The following PNPLA5 variants were observed in gnomAD, a reference collection of about 807,000 sequenced individuals.
The protein encoded by PNPLA5 is patatin like domain 5, triacylglycerol lipase, also known as patatin-like phospholipase domain-containing protein 5.
Under a neutral mutation model 49.1 loss-of-function variants are expected in PNPLA5, and 44 were observed. The observed-to-expected ratio is 0.90, with a 90% CI of 0.70 to 1.15. The LOEUF (loss-of-function observed/expected upper bound fraction) is 1.15, where lower values mean the gene tolerates loss of function less well. PNPLA5 is among the 50% of genes most tolerant of loss of function. The probability of loss-of-function intolerance (pLI) is 0.00; values close to 1 mark genes in which losing one functional copy is unlikely to be tolerated. For synonymous variants in PNPLA5, 243 were observed against 244.4 expected (o/e 0.99, Z 0.06); for missense variants, 603 against 564.0 (o/e 1.07, Z -0.70).
intron 2 of PNPLA5, 120 bp from the exon 3 acceptor site, chr22:43,889,984 G>A: frequency 6.8e-7 from 1 of 1,476,294 alleles, no homozygotes; most frequent in Admixed American, 2.2e-5. Flanking sequence ...CCCACGTCCA[G>A]ATGAGGGAGC....
In PNPLA5 at chr22:43,881,601, C is replaced by T. The variant is rs552251251; in HGVS notation, c.1156G>A (p.Glu386Lys). 7.5e-5 allele frequency: 121 copies of T among 1,611,644 alleles called. 2 individuals carry two copies. In the East Asian group the frequency reaches 1.9e-3, roughly 26 times the overall value. Residue 386 changes from glutamate to lysine, a missense_variant, in exon 8 of 9, where the codon GAG becomes AAG. Physicochemically the swap from Glu to Lys is moderately conservative, Grantham distance 56. Coordinates refer to ENST00000216177, the MANE Select transcript of PNPLA5 (RefSeq NM_138814.4). ...TGGGCCTTGGTCCTGGAGAAAACCT[C>T]GAGGGCCATGTTCCTCAGCAGGCCC... ...MQGLLRNMAL[E>K]VFSRTKAQLL...
At chr22:43,888,410 G>A (rs867396582) in intron 4 of PNPLA5, among the ~76,000 whole-genome samples, 3 of 118,982 alleles carry the variant, frequency 2.5e-5, no homozygotes, top group Non-Finnish European at 5.3e-5. Flanking sequence ...GTGTGTGTGT[G>A]TTTCTTTCTT....
rs759341016 is a variant in PNPLA5 at position 43,891,692 on chromosome 22, C to T, written c.189G>A (p.Ser63=). The T allele has an allele frequency of 1.9e-5, 29 of 1,546,446 alleles. 2 individuals are homozygous for T. In the South Asian group the frequency reaches 3.5e-4, roughly 18 times the overall value. ...LNAVSIVCGK[S]VDFCCSHLLG... ...CCCCCGCGGTCCGGGACTCACCGAC[C>T]GACTTGCCGCAGACGATGCTGACTG... The change falls in exon 1 of 9, where the codon TCG becomes TCA. Residue 63 remains serine, a synonymous_variant. Transcript: ENST00000216177.
In PNPLA5 at chr22:43,892,007, T is replaced by C; in HGVS notation, c.-127A>G. Reference sequence around the variant, plus strand: ...GCTCTGGAGGGAGCCGGGCTGGGGCTGGTGCTGGTGCTCCCTGCGCCGCCC... The same window carrying C: ...GCTCTGGAGGGAGCCGGGCTGGGGCCGGTGCTGGTGCTCCCTGCGCCGCCC... On this transcript the variant is annotated 5_prime_UTR_variant, in exon 1 of 9. Transcript: ENST00000216177. 2 of 948,484 alleles carry C rather than the reference T, an allele frequency of 2.1e-6. No homozygotes were observed. The highest frequency in any genetic ancestry group is 3.0e-6 in the Non-Finnish European group (2 of 667,424). The allele number at this position is 948,484 out of a possible 1,614,324, so 58.8% of individuals were successfully genotyped here.
At chr22:43,885,179 C>T (rs2049650075) in intron 6 of PNPLA5, among the ~76,000 whole-genome samples, 1 of 152,220 alleles carries the variant, frequency 6.6e-6, no homozygotes, top group South Asian at 2.1e-4. Context: ...CTGGTGCCCC[C>T]GTGTGGCTAC....
chr22:43,884,508 G>C (rs1315099622), intron 6 of PNPLA5, 163 bp from the exon 7 acceptor site: 2 of 693,864 alleles, frequency 2.9e-6, no homozygotes, highest in South Asian at 1.3e-4. Flanking sequence ...GTAGCTCTGC[G>C]CTCATCGTTG....
At position 43,880,220 on chromosome 22, in the gene PNPLA5, A is replaced by AGACCCG. The variant is rs2049593728; in HGVS notation, c.*574_*575insCGGGTC. On this transcript the variant is annotated 3_prime_UTR_variant, in exon 9 of 9. Coordinates refer to ENST00000216177, the MANE Select transcript of PNPLA5 (RefSeq NM_138814.4). ...AGCACCCACAGCTGGGATCCTGAAA[A>AGACCCG]GACCTGGACCCCCCTCTCCTCCTCC... 1 of 393,814 alleles carries AGACCCG rather than the reference A, an allele frequency of 2.5e-6. No homozygotes were observed. 24.4% of individuals were successfully genotyped at this position (393,814 alleles called of 1,614,324 possible). A position where few individuals can be genotyped will look rare whatever the true frequency, so the allele number is the denominator to read the frequency against.
intron 7 of PNPLA5, 76 bp downstream of exon 7, chr22:43,884,137 C>T: frequency 7.2e-7 from 1 of 1,384,660 alleles, no homozygotes; most frequent in Non-Finnish European, 9.6e-7. Context: ...CCCAGTGTGC[C>T]AGCCGCCCCT....
Position 43,889,331 on chromosome 22 carries a change from C to T in PNPLA5, c.700G>A (p.Glu234Lys), listed in dbSNP as rs745936433. 3.3e-5 allele frequency: 54 copies of T among 1,613,496 alleles called. No homozygotes were observed. The highest frequency in any genetic ancestry group is 2.0e-4 in the Admixed American group (12 of 59,982). The part of the protein sequence containing the change: ...GLICLIPPSL[E>K]VVADNCRQGY... Reference sequence around the variant, plus strand: ...CACCATCACAGGGCCAGACCTACCTCGAGGCTGGGGGGTATGAGACATATG... The same window carrying T: ...CACCATCACAGGGCCAGACCTACCTTGAGGCTGGGGGGTATGAGACATATG... Residue 234 changes from glutamate to lysine, a missense_variant and splice_region_variant, in exon 4 of 9, where the codon GAG (glutamate) becomes AAG (lysine). Coordinates refer to ENST00000216177, the MANE Select transcript of PNPLA5 (RefSeq NM_138814.4).
intron 4 of PNPLA5, among the ~76,000 whole-genome samples, chr22:43,888,789 G>A (rs1020372252): frequency 8.5e-5 from 13 of 152,136 alleles, no homozygotes; most frequent in Non-Finnish European, 1.6e-4. Context: ...AAATACCAAG[G>A]GGTAAAAAAA....
At chr22:43,891,474 C>T (rs1300667876) in intron 1 of PNPLA5, 180 bp from the exon 2 acceptor site, 2 of 940,928 alleles carry the variant, frequency 2.1e-6, no homozygotes, top group African/African-American at 1.8e-5. Context: ...GCCCCGCCGA[C>T]CTGGGAAACA....
At chr22:43,886,624 G>T (rs2049667833) in intron 5 of PNPLA5, 136 bp from the exon 6 acceptor site, 2 of 1,426,172 alleles carry the variant, frequency 1.4e-6, no homozygotes, top group East Asian at 5.0e-5. Context: ...AGCTTATTCC[G>T]GATGACTCCC....
chr22:43,887,470 G>T, intron 5 of PNPLA5, 121 bp downstream of exon 5: 1 of 1,195,452 alleles, frequency 8.4e-7, no homozygotes, highest in Admixed American at 2.0e-5. Context: ...CCAGCACAGA[G>T]CAGATGATGA....
At chr22:43,884,518 G>T (rs1384316221) in intron 6 of PNPLA5, 173 bp from the exon 7 acceptor site, 2 of 595,022 alleles carry the variant, frequency 3.4e-6, no homozygotes, top group Non-Finnish European at 4.2e-6. Flanking sequence ...GCTCATCGTT[G>T]TCCGTGAGAC....
chr22:43,886,567 G>T, intron 5 of PNPLA5, 79 bp from the exon 6 acceptor site: 1 of 1,515,396 alleles, frequency 6.6e-7, no homozygotes. Flanking sequence ...ATCCCTCAGA[G>T]CCCAAACCCA....
chr22:43,891,866 C>T lies in PNPLA5; in HGVS notation c.15G>A (p.Glu5=), dbSNP rs2049730019. The T allele has an allele frequency of 1.3e-6, 2 of 1,515,604 alleles. No individual in the cohort carries two copies. The highest frequency in any genetic ancestry group is 1.8e-6 in the Non-Finnish European group (2 of 1,137,964). The allele number at this position is 1,515,604 out of a possible 1,614,324, so 93.9% of individuals were successfully genotyped here. ...AGGACAGGTTCCATCTGCCCTCCTC[C>T]TCTAAGAAGCCCATGGCGGGTGGAC... MGFL[E]EEGRWNLSFS... The change falls in exon 1 of 9, where the codon GAG becomes GAA. Residue 5 remains glutamate (E), a synonymous_variant. Coordinates refer to ENST00000216177, the MANE Select transcript of PNPLA5 (RefSeq NM_138814.4).
At position 43,889,814 on chromosome 22, in the gene PNPLA5, G is replaced by C. The variant is rs747656256; in HGVS notation, c.477C>G (p.Pro159=). The C allele has an allele frequency of 2.5e-6, 4 of 1,606,796 alleles. No homozygotes were observed. In the African/African-American group the frequency reaches 5.3e-5, roughly 21 times the overall value. Residue 159 remains proline, a synonymous_variant, in exon 3 of 9, where the codon CCC becomes CCG. Coordinates refer to ENST00000216177, the MANE Select transcript of PNPLA5 (RefSeq NM_138814.4). The part of the protein sequence containing the change: ...YFPFYCGLIP[P]EFRGERYIDG... ...GTGCACTCACCTCCCCTCTGAACTCGGGGGGGATCAGCCCGCAGTAGAAAG... is the reference window on the plus strand; with the variant it reads ...GTGCACTCACCTCCCCTCTGAACTCCGGGGGGATCAGCCCGCAGTAGAAAG...
In PNPLA5 at chr22:43,891,816, G is replaced by A; in HGVS notation, c.65C>T (p.Ala22Val). The A allele has an allele frequency of 6.6e-7, 1 of 1,520,810 alleles. No individual in the cohort carries two copies. Among genetic ancestry groups the A allele is most frequent in the Non-Finnish European group, 8.8e-7 (1 of 1,139,056 alleles). The allele number at this position is 1,520,810 out of a possible 1,614,324, so 94.2% of individuals were successfully genotyped here. Residue 22 changes from alanine (A) to valine (V), a missense_variant, in exon 1 of 9, where the codon GCC becomes GTC. Physicochemically the swap from Ala to Val is moderately conservative, Grantham distance 64. Coordinates refer to ENST00000216177, the MANE Select transcript of PNPLA5 (RefSeq NM_138814.4). ...GCATTCGGTGGCGCCCACGTGGTGG[G>A]CGCCCAGGTAGCCGGCGCCGGAGAA... ...LSFSGAGYLG[A>V]HHVGATECLR...
chr22:43,887,273 C>T (rs1419555654), intron 5 of PNPLA5, among the ~76,000 whole-genome samples: 1 of 152,164 alleles, frequency 6.6e-6, no homozygotes, highest in Non-Finnish European at 1.5e-5. Flanking sequence ...TCCTTGCCTA[C>T]CCCCAACCCC....
Sources: gnomAD v4.1 joint callset for allele counts (sites outside exome capture counted in the v4.1 genomes callset) on GRCh38, gnomAD v4.1.1 for gene constraint, MANE v1.5 for transcripts, NCBI Gene and HGNC (gene_info 2026-07-23, HGNC 2026-07-21) for gene names.